FANCC: variants seen among roughly 807,000 people sequenced by gnomAD.
FANCC encodes the protein FA complementation group C.
Under a neutral mutation model 71.3 loss-of-function variants are expected in FANCC, and 55 were observed. The observed-to-expected ratio is 0.77, with a 90% CI of 0.62 to 0.97. FANCC has a LOEUF of 0.97. Ranked by LOEUF, FANCC falls within the 50% of genes least tolerant of loss-of-function variation. The probability of loss-of-function intolerance (pLI) is 0.00; values close to 1 mark genes in which losing one functional copy is unlikely to be tolerated. For synonymous variants in FANCC, 275 were observed against 244.9 expected, an observed-to-expected ratio of 1.12 and a Z score of -1.15; for missense variants, 678 against 670.9, an observed-to-expected ratio of 1.01 and a Z score of -0.12.
intron 4 of FANCC, among the ~76,000 whole-genome samples, chr9:95,193,372 C>T (rs911692925): frequency 1.3e-5 from 2 of 152,102 alleles, no homozygotes; most frequent in Middle Eastern, 3.2e-3. Flanking sequence ...AGAAGGAGTG[C>T]TATGAGATGA....
At chr9:95,111,279 C>A (rs753651525) in intron 13 of FANCC, 184 bp downstream of exon 13, 10 of 1,559,742 alleles carry the variant, frequency 6.4e-6, no homozygotes, top group Non-Finnish European at 8.6e-6. Context: ...TCGGTGGGGA[C>A]AGGAGAACGC....
At chr9:95,209,463 C>T (rs1828358747) in intron 4 of FANCC, among the ~76,000 whole-genome samples, 1 of 152,144 alleles carries the variant, frequency 6.6e-6, no homozygotes, top group African/African-American at 2.4e-5. Context: ...ACAGGGGAGG[C>T]TGTGCATGTG....
chr9:95,107,212 AG>A lies in FANCC; in HGVS notation c.1386del (p.Ser463GlnfsTer8). The A allele has an allele frequency of 3.1e-6, 5 of 1,614,164 alleles. No individual in the cohort carries two copies. Among genetic ancestry groups the A allele is most frequent in the Non-Finnish European group, 4.2e-6 (5 of 1,180,028 alleles). On this transcript the variant is annotated frameshift_variant, in exon 14 of 15. Transcript: ENST00000289081. LOFTEE classifies it high-confidence loss of function. ...HLLAMSRSSS[L>X]SAQDLQTVAG... is the part of the protein sequence containing the mutation. ...GCTACCGTCTGCAGGTCCTGGGCTG[AG>A]AGGCTGCTGCTTCTGGACATTGCCA...
chr9:95,287,507 C>T (rs567274532), intron 1 of FANCC, among the ~76,000 whole-genome samples: 1 of 152,324 alleles, frequency 6.6e-6, no homozygotes, highest in African/African-American at 2.4e-5. Flanking sequence ...TCTCTGTCTG[C>T]TGTTTATATT....
intron 7 of FANCC, among the ~76,000 whole-genome samples, chr9:95,140,012 T>C (rs1324633422): frequency 6.6e-6 from 1 of 151,886 alleles, no homozygotes; most frequent in African/African-American, 2.4e-5. Context: ...GTTCCATCCA[T>C]CCTGCCTGGA....
At chr9:95,263,533 T>TATAG (rs34461769) in intron 1 of FANCC, among the ~76,000 whole-genome samples, 25,334 of 147,182 alleles carry the variant, frequency 0.17, 2,424 homozygotes, top group Non-Finnish European at 0.22. Flanking sequence ...TATATATAGA[T>TATAG]ATAGATAGAT....
intron 1 of FANCC, among the ~76,000 whole-genome samples, chr9:95,250,092 G>A (rs1831236679): frequency 6.6e-6 from 1 of 152,170 alleles, no homozygotes; most frequent in Admixed American, 6.5e-5. Context: ...TGAAGGCCAT[G>A]CTAAAAAGAA....
chr9:95,232,373 C>A (rs1274659973), intron 4 of FANCC, among the ~76,000 whole-genome samples: 2 of 152,122 alleles, frequency 1.3e-5, no homozygotes, highest in Non-Finnish European at 2.9e-5. Context: ...ATTATGAACT[C>A]ACTTCAGGAT....
At chr9:95,222,025 A>T (rs1236243192) in intron 4 of FANCC, among the ~76,000 whole-genome samples, 4 of 152,098 alleles carry the variant, frequency 2.6e-5, no homozygotes, top group African/African-American at 9.7e-5. Flanking sequence ...TGACTATATA[A>T]AACTTTTACA....
intron 1 of FANCC, among the ~76,000 whole-genome samples, chr9:95,308,673 C>T (rs997052819): frequency 2.6e-5 from 4 of 152,146 alleles, no homozygotes; most frequent in Non-Finnish European, 5.9e-5. Context: ...GCCACCACGC[C>T]CGGCCTAGAC....
At chr9:95,187,633 C>CT (rs1369471202) in intron 4 of FANCC, among the ~76,000 whole-genome samples, 2 of 152,076 alleles carry the variant, frequency 1.3e-5, no homozygotes, top group Non-Finnish European at 2.9e-5. Context: ...CAAACACCCC[C>CT]TTTCCACTGC....
At chr9:95,143,536 G>A (rs1829075660) in intron 7 of FANCC, among the ~76,000 whole-genome samples, 1 of 152,098 alleles carries the variant, frequency 6.6e-6, no homozygotes, top group African/African-American at 2.4e-5. Flanking sequence ...CATCACTCAG[G>A]AAATTTCAAG....
intron 1 of FANCC, among the ~76,000 whole-genome samples, chr9:95,252,685 A>G (rs1831422351): frequency 6.7e-6 from 1 of 150,154 alleles, no homozygotes; most frequent in Non-Finnish European, 1.5e-5. Context: ...GACAGCTTGT[A>G]AGTGAGCCGA....
At chr9:95,139,482 G>C (rs1375167812) in intron 7 of FANCC, among the ~76,000 whole-genome samples, 1 of 152,136 alleles carries the variant, frequency 6.6e-6, no homozygotes, top group Non-Finnish European at 1.5e-5. Context: ...CCTTATATAT[G>C]ATAAGGACAA....
At chr9:95,170,678 G>GTGTGTA (rs1791895536) in intron 6 of FANCC, among the ~76,000 whole-genome samples, 1 of 150,498 alleles carries the variant, frequency 6.6e-6, no homozygotes, top group Non-Finnish European at 1.5e-5. Flanking sequence ...GTGTGTGTGT[G>GTGTGTA]TTGGGAGCAG....
chr9:95,272,409 C>G (rs1832793716), intron 1 of FANCC, among the ~76,000 whole-genome samples: 1 of 152,082 alleles, frequency 6.6e-6, no homozygotes, highest in Non-Finnish European at 1.5e-5. Context: ...TGGAACACAT[C>G]ATAACTTTTA....
intron 4 of FANCC, among the ~76,000 whole-genome samples, chr9:95,214,995 A>G (rs1288682538): frequency 6.6e-6 from 1 of 152,234 alleles, no homozygotes; most frequent in Non-Finnish European, 1.5e-5. Context: ...TAAATTTTAT[A>G]TGCATTTTAC....
At chr9:95,242,436 G>A (rs1024976914) in intron 3 of FANCC, among the ~76,000 whole-genome samples, 1 of 136,688 alleles carries the variant, frequency 7.3e-6, no homozygotes, top group African/African-American at 2.7e-5. Flanking sequence ...TAAAAAGAAT[G>A]TAATCTGATG....
chr9:95,192,624 T>C (rs1357892719), intron 4 of FANCC, among the ~76,000 whole-genome samples: 1 of 152,194 alleles, frequency 6.6e-6, no homozygotes, highest in Non-Finnish European at 1.5e-5. Flanking sequence ...TTAAAAACAG[T>C]ACCTGGAATT....
Sources: allele counts gnomAD v4.1 joint callset (sites outside exome capture counted in the v4.1 genomes callset), GRCh38; gene constraint gnomAD v4.1.1; transcripts MANE v1.5; gene names NCBI Gene and HGNC (gene_info 2026-07-23, HGNC 2026-07-21).